ARMH3: variants seen among roughly 807,000 people sequenced by gnomAD.
The protein encoded by ARMH3 is armadillo like helical domain containing 3, also known as armadillo-like helical domain-containing protein 3.
ARMH3 carries 60 observed loss-of-function variants against 99.1 expected under a neutral mutation model. That is an observed-to-expected ratio of 0.61 (90% CI 0.49 to 0.75). The LOEUF (loss-of-function observed/expected upper bound fraction) is 0.75. Ranked by LOEUF, ARMH3 falls within the 30% of genes least tolerant of loss-of-function variation. The probability of loss-of-function intolerance (pLI) is 0.00; values close to 1 mark genes in which losing one functional copy is unlikely to be tolerated. For synonymous variants in ARMH3, 285 were observed against 292.8 expected (o/e 0.97, Z 0.27); for missense variants, 679 against 843.1 (o/e 0.81, Z 2.41).
chr10:102,015,046 T>C (rs900914864), intron 8 of ARMH3, among the ~76,000 whole-genome samples: 1 of 152,146 alleles, frequency 6.6e-6, no homozygotes, highest in Non-Finnish European at 1.5e-5. Context: ...GCACGTCAAC[T>C]GGGAACAGAG....
intron 22 of ARMH3, among the ~76,000 whole-genome samples, chr10:101,948,616 A>C (rs1036355892): frequency 6.6e-6 from 1 of 152,230 alleles, no homozygotes; most frequent in South Asian, 2.1e-4. Context: ...CCAAAAAGTA[A>C]AAAGAACCAA....
intron 23 of ARMH3, among the ~76,000 whole-genome samples, chr10:101,920,185 G>C (rs1317315659): frequency 6.6e-6 from 1 of 152,214 alleles, no homozygotes; most frequent in Non-Finnish European, 1.5e-5. Flanking sequence ...CAGATAAGTA[G>C]ACAGTTGCTG....
chr10:101,860,742 G>A (rs2066847324), intron 24 of ARMH3, among the ~76,000 whole-genome samples: 1 of 152,174 alleles, frequency 6.6e-6, no homozygotes, highest in South Asian at 2.1e-4. Context: ...TAACCAGAAT[G>A]AAGAGTACCT....
At chr10:102,016,266 A>T (rs2066749539) in intron 8 of ARMH3, among the ~76,000 whole-genome samples, 1 of 152,214 alleles carries the variant, frequency 6.6e-6, no homozygotes, top group Non-Finnish European at 1.5e-5. Context: ...TACTCCAATG[A>T]GCACTTCCTT....
At chr10:101,916,821 G>A (rs781501436) in intron 23 of ARMH3, among the ~76,000 whole-genome samples, 1 of 152,154 alleles carries the variant, frequency 6.6e-6, no homozygotes, top group South Asian at 2.1e-4. Context: ...AGAACAAAAG[G>A]CAGAGGAAGG....
At chr10:102,009,301 T>C (rs2066577503) in intron 13 of ARMH3, 73 bp downstream of exon 13, 9 of 1,384,156 alleles carry the variant, frequency 6.5e-6, no homozygotes, top group Admixed American at 5.2e-5. Context: ...TACAGCCAGA[T>C]AGGCTTTTCA....
chr10:102,051,898 T>C (rs894167193), intron 1 of ARMH3, among the ~76,000 whole-genome samples: 4 of 152,132 alleles, frequency 2.6e-5, no homozygotes, highest in African/African-American at 9.7e-5. Context: ...TTGGTTCCCT[T>C]TCAAATTATC....
intron 23 of ARMH3, among the ~76,000 whole-genome samples, chr10:101,930,689 T>A (rs1007309931): frequency 6.6e-6 from 1 of 152,208 alleles, no homozygotes; most frequent in Non-Finnish European, 1.5e-5. Context: ...TTGCCCCTGA[T>A]GTCAGCTTGT....
intron 15 of ARMH3, 71 bp from the exon 16 acceptor site, chr10:101,995,426 G>A (rs1847011061): frequency 1.6e-6 from 2 of 1,259,980 alleles, no homozygotes; most frequent in Admixed American, 4.0e-5. Flanking sequence ...TACAGAACAA[G>A]GACGTATATC....
intron 23 of ARMH3, among the ~76,000 whole-genome samples, chr10:101,891,834 C>T (rs532740721): frequency 6.6e-5 from 10 of 152,054 alleles, no homozygotes; most frequent in African/African-American, 2.4e-4. Flanking sequence ...GTGGGCTAGG[C>T]GTGGTGGCTC....
chr10:102,037,952 G>C (rs1391292818), intron 2 of ARMH3, among the ~76,000 whole-genome samples: 1 of 151,874 alleles, frequency 6.6e-6, no homozygotes, highest in African/African-American at 2.4e-5. Flanking sequence ...GTCACAGTTT[G>C]ACCCTCACAC....
intron 4 of ARMH3, among the ~76,000 whole-genome samples, chr10:102,030,695 G>A (rs1410979953): frequency 2.0e-5 from 3 of 151,910 alleles, no homozygotes; most frequent in South Asian, 4.2e-4. Context: ...GGCAACAAGA[G>A]TGAAACTCCG....
chr10:101,915,800 C>CTTTT (rs781162716), intron 23 of ARMH3, among the ~76,000 whole-genome samples: 12 of 130,856 alleles, frequency 9.2e-5, no homozygotes, highest in African/African-American at 1.7e-4. Flanking sequence ...ATTGCAAGTC[C>CTTTT]TTTTTTTTTT....
intron 24 of ARMH3, among the ~76,000 whole-genome samples, chr10:101,875,129 T>C (rs1366031386): frequency 6.6e-6 from 1 of 152,134 alleles, no homozygotes; most frequent in East Asian, 1.9e-4. Context: ...CTAAAGATAC[T>C]TAGAAGCTGA....
intron 19 of ARMH3, among the ~76,000 whole-genome samples, chr10:101,976,383 ATCTCTCTC>A (rs542700143): frequency 7.6e-6 from 1 of 131,376 alleles, no homozygotes; most frequent in African/African-American, 2.7e-5. Flanking sequence ...AGATTAATCA[ATCTCTCTC>A]TCTCTCTCTC....
chr10:101,921,522 T>C (rs1263364517), intron 23 of ARMH3, among the ~76,000 whole-genome samples: 1 of 152,208 alleles, frequency 6.6e-6, no homozygotes, highest in Admixed American at 6.5e-5. Context: ...ATCAAAGAGA[T>C]ACCTGCACTC....
At chr10:101,946,148 T>C (rs761487689) in intron 22 of ARMH3, among the ~76,000 whole-genome samples, 5 of 127,248 alleles carry the variant, frequency 3.9e-5, no homozygotes, top group South Asian at 5.1e-4. Flanking sequence ...CCAGAATATA[T>C]AATAAAACAA....
chr10:102,019,441 T>C (rs940724331), intron 8 of ARMH3, among the ~76,000 whole-genome samples: 28 of 152,148 alleles, frequency 1.8e-4, no homozygotes, highest in African/African-American at 6.5e-4. Flanking sequence ...AGGCAGGTCC[T>C]TGAGCAGGTA....
intron 20 of ARMH3, among the ~76,000 whole-genome samples, chr10:101,964,631 A>G (rs1845455027): frequency 6.6e-6 from 1 of 152,234 alleles, no homozygotes; most frequent in Admixed American, 6.5e-5. Flanking sequence ...AAAAGGACAA[A>G]TGCTGTTTAA....
Sources: gnomAD v4.1 joint callset for allele counts (sites outside exome capture counted in the v4.1 genomes callset) on GRCh38, gnomAD v4.1.1 for gene constraint, MANE v1.5 for transcripts, NCBI Gene and HGNC (gene_info 2026-07-23, HGNC 2026-07-21) for gene names.